Variants in DCUN1D4 observed in about 807,000 individuals in gnomAD.
The protein encoded by DCUN1D4 is DCN1-like protein 4.
Under a neutral mutation model 47.9 loss-of-function variants are expected in DCUN1D4, and 22 were observed. The ratio of observed to expected loss-of-function variants is 0.46; its 90% CI spans 0.33 to 0.66. DCUN1D4 has a LOEUF of 0.66. DCUN1D4 is among the 30% of genes least tolerant of loss of function. The pLI is 0.02. For synonymous variants in DCUN1D4, 121 were observed against 112.2 expected, an observed-to-expected ratio of 1.08 and a Z score of -0.50; for missense variants, 301 against 340.8, an observed-to-expected ratio of 0.88 and a Z score of 0.92.
intron 8 of DCUN1D4, among the ~76,000 whole-genome samples, chr4:51,905,036 C>A (rs1732668491): frequency 1.3e-5 from 2 of 152,040 alleles, no homozygotes. Context: ...GATAAAATAG[C>A]CCCTTTAACA....
Position 51,904,156 on chromosome 4 carries a change from G to A in DCUN1D4, c.615+4778G>A, listed in dbSNP as rs150924456. ...TGTTTTTTAAGTGCATAAATTACCT[G>A]GAATCAGCTTGATCCTTTGGAAGGG... On this transcript the variant is annotated intron_variant, in intron 8 of 10. Transcript: ENST00000334635. Among the ~76,000 whole-genome samples, 654 of 152,052 alleles carry A rather than the reference G, an allele frequency of 4.3e-3. 4 individuals carry two copies. The highest frequency in any genetic ancestry group is 6.8e-3 in the Middle Eastern group (2 of 294).
chr4:51,873,815 T>A lies in DCUN1D4; in HGVS notation c.137-456T>A, dbSNP rs576921350. On this transcript the variant is annotated intron_variant, in intron 3 of 10. Transcript: ENST00000334635. ...AAAAAACCCCAAATCCTGTTTTTTT[T>A]AAATCAGATATCTCTTGAAGCTTAA... Among the ~76,000 whole-genome samples the A allele has an allele frequency of 1.3e-3, 192 of 152,290 alleles. 1 individual carries two copies. The highest frequency in any genetic ancestry group is 4.1e-3 in the African/African-American group (169 of 41,566).
intron 2 of DCUN1D4, 32 bp downstream of exon 2, chr4:51,863,539 A>C: frequency 1.3e-6 from 2 of 1,590,708 alleles, no homozygotes; most frequent in Non-Finnish European, 1.7e-6. Flanking sequence ...AAAATTACCA[A>C]CTGTTTGAAG....
intron 5 of DCUN1D4, among the ~76,000 whole-genome samples, chr4:51,879,227 T>C (rs1728153286): frequency 1.3e-5 from 2 of 152,242 alleles, no homozygotes; most frequent in African/African-American, 4.8e-5. Context: ...AGCATTTGTC[T>C]GTTTTCATGT....
Position 51,874,334 on chromosome 4 carries a change from G to C in DCUN1D4, c.200G>C (p.Arg67Thr). Residue 67 changes from arginine to threonine, a missense_variant, in exon 4 of 11, where the codon AGA (arginine) becomes ACA (threonine). Arg to Thr is a moderately conservative substitution (Grantham distance 71). Coordinates refer to ENST00000334635, the MANE Select transcript of DCUN1D4 (RefSeq NM_001040402.3). Reference sequence around the variant, plus strand: ...AAAGTGATGCCACCAAGGAAAAAGAGAAGACCTGCCTCTGGAGATGATTTA... The same window carrying C: ...AAAGTGATGCCACCAAGGAAAAAGACAAGACCTGCCTCTGGAGATGATTTA... Reference protein sequence around the residue: ...FNKVMPPRKKRRPASGDDLSA... With the variant: ...FNKVMPPRKKTRPASGDDLSA... The C allele has an allele frequency of 6.2e-7, 1 of 1,613,922 alleles. No individual in the cohort carries two copies. Among genetic ancestry groups the C allele is most frequent in the Non-Finnish European group, 8.5e-7 (1 of 1,179,932 alleles).
intron 6 of DCUN1D4, among the ~76,000 whole-genome samples, chr4:51,891,091 A>G (rs982377362): frequency 1.4e-4 from 21 of 152,258 alleles, no homozygotes; most frequent in African/African-American, 2.2e-4. Flanking sequence ...ACCAGTGTAT[A>G]TAGTGAATTC....
At chr4:51,863,003 C>A (rs1271351636) in intron 1 of DCUN1D4, among the ~76,000 whole-genome samples, 1 of 152,024 alleles carries the variant, frequency 6.6e-6, no homozygotes, top group Non-Finnish European at 1.5e-5. Flanking sequence ...GTAGTGAGAT[C>A]CTGTCTCAAA....
chr4:51,857,416 G>A (rs183846295), intron 1 of DCUN1D4, among the ~76,000 whole-genome samples: 1 of 152,206 alleles, frequency 6.6e-6, no homozygotes, highest in East Asian at 1.9e-4. Flanking sequence ...ACTTGTCCTA[G>A]AGTGATCTTT....
upstream of DCUN1D4, among the ~76,000 whole-genome samples, chr4:51,838,443 G>A (rs558892246): frequency 1.3e-5 from 2 of 152,136 alleles, no homozygotes; most frequent in South Asian, 4.1e-4. Context: ...GTGCAGTGGC[G>A]TGATCTCAGC....
At position 51,879,808 on chromosome 4, in the gene DCUN1D4, G is replaced by A. The variant is rs1577954872; in HGVS notation, c.343+1954G>A. On this transcript the variant is annotated intron_variant, in intron 5 of 10. Transcript: ENST00000334635. ...CACTTAATCCCATCACCATAGCATAGCTATTCTGATTTTTTGGTACCTTCC... is the reference window on the plus strand; with the variant it reads ...CACTTAATCCCATCACCATAGCATAACTATTCTGATTTTTTGGTACCTTCC... 2.0e-5 allele frequency among the ~76,000 whole-genome samples: 3 copies of A among 152,284 alleles called. No individual in the cohort carries two copies. In the East Asian group the frequency reaches 5.8e-4, roughly 29 times the overall value.
intron 8 of DCUN1D4, among the ~76,000 whole-genome samples, chr4:51,901,829 T>G (rs1480782264): frequency 1.1e-4 from 17 of 152,224 alleles, no homozygotes; most frequent in Admixed American, 1.1e-3. Flanking sequence ...AATTAAGCCC[T>G]TTCACATAAC....
intron 3 of DCUN1D4, among the ~76,000 whole-genome samples, chr4:51,866,461 C>T (rs1725937943): frequency 6.6e-6 from 1 of 152,094 alleles, no homozygotes; most frequent in South Asian, 2.1e-4. Context: ...CTTTTCCACT[C>T]AGTATATCCT....
chr4:51,835,995 G>C, the DCUN1D4 span, among the ~76,000 whole-genome samples: 1 of 152,070 alleles, frequency 6.6e-6, no homozygotes, highest in South Asian at 2.1e-4. Context: ...GCCTGAAACT[G>C]TTCACTTAAC....
intron 5 of DCUN1D4, among the ~76,000 whole-genome samples, chr4:51,882,399 G>C (rs1049841841): frequency 1.3e-5 from 2 of 152,190 alleles, no homozygotes; most frequent in African/African-American, 4.8e-5. Flanking sequence ...GATGCACGAC[G>C]GGGAGAGGAA....
chr4:51,872,640 T>G lies in DCUN1D4; in HGVS notation c.137-1631T>G, dbSNP rs140091418. On this transcript the variant is annotated intron_variant, in intron 3 of 10. Coordinates refer to ENST00000334635, the MANE Select transcript of DCUN1D4 (RefSeq NM_001040402.3). The stretch of plus-strand genomic sequence containing the variant: ...CCTTCTTTTCCCAGGGCTCTGTCCT[T>G]AGTCCTCTGTTTCTGTTTCTGCTTT... 1.1e-3 allele frequency among the ~76,000 whole-genome samples: 170 copies of G among 152,340 alleles called. 3 individuals are homozygous for G. Among genetic ancestry groups the G allele is most frequent in the African/African-American group, 3.7e-3 (152 of 41,590 alleles).
At chr4:51,880,816 T>A (rs957973882) in intron 5 of DCUN1D4, among the ~76,000 whole-genome samples, 5 of 152,100 alleles carry the variant, frequency 3.3e-5, no homozygotes, top group African/African-American at 1.2e-4. Flanking sequence ...GAACCTGGAA[T>A]CCCATTTTGT....
intron 5 of DCUN1D4, among the ~76,000 whole-genome samples, chr4:51,881,692 CCT>C (rs1305659987): frequency 3.4e-5 from 5 of 148,640 alleles, no homozygotes; most frequent in Non-Finnish European, 7.4e-5. Context: ...AAAAAAAAAA[CCT>C]CTCTGTCTCA....
chr4:51,837,347 G>A, the DCUN1D4 span, among the ~76,000 whole-genome samples: 1 of 152,202 alleles, frequency 6.6e-6, no homozygotes, highest in African/African-American at 2.4e-5. Flanking sequence ...AAAAAGACTT[G>A]CTAATGCTAC....
intron 6 of DCUN1D4, among the ~76,000 whole-genome samples, chr4:51,891,361 A>G (rs1730400450): frequency 6.6e-6 from 1 of 152,232 alleles, no homozygotes; most frequent in Non-Finnish European, 1.5e-5. Context: ...TAACTGCTAC[A>G]AATTGTACTG....
Sources: allele counts gnomAD v4.1 joint callset (sites outside exome capture counted in the v4.1 genomes callset), GRCh38; gene constraint gnomAD v4.1.1; transcripts MANE v1.5; gene names NCBI Gene and HGNC (gene_info 2026-07-23, HGNC 2026-07-21).